DPP6: variants seen among roughly 807,000 people sequenced by gnomAD.
DPP6 encodes A-type potassium channel modulatory protein DPP6.
DPP6 carries 69 observed loss-of-function variants against 122.6 expected under a neutral mutation model. The ratio of observed to expected loss-of-function variants is 0.56; its 90% confidence interval spans 0.46 to 0.69. The LOEUF (loss-of-function observed/expected upper bound fraction) is 0.69, where lower values mean the gene tolerates loss of function less well. Among genes scored for constraint, DPP6 ranks in the 30% least tolerant of loss-of-function variants. The pLI is 0.00. For missense variants in DPP6, 928 were observed against 1,116.9 expected, an observed-to-expected ratio of 0.83 and a Z score of 2.41; for synonymous variants, 418 against 433.1, an observed-to-expected ratio of 0.97 and a Z score of 0.43.
At chr7:154,351,433 G>A (rs910831599) in intron 1 of DPP6, among the ~76,000 whole-genome samples, 1 of 152,202 alleles carries the variant, frequency 6.6e-6, no homozygotes, top group Non-Finnish European at 1.5e-5. Flanking sequence ...GCCAAAAATA[G>A]CAGCTGAGTG....
chr7:154,432,512 A>T (rs191939917), intron 1 of DPP6, among the ~76,000 whole-genome samples: 1 of 152,272 alleles, frequency 6.6e-6, no homozygotes, highest in African/African-American at 2.4e-5. Context: ...CTTAACAATG[A>T]TCTAGGGGTT....
chr7:154,617,989 G>A (rs1462416083), intron 5 of DPP6, among the ~76,000 whole-genome samples: 1 of 152,138 alleles, frequency 6.6e-6, no homozygotes, highest in South Asian at 2.1e-4. Flanking sequence ...GGCCATAGGG[G>A]CTGCAGACCC....
chr7:154,059,946 G>GC (rs1396607566), intron 1 of DPP6, among the ~76,000 whole-genome samples: 1 of 149,534 alleles, frequency 6.7e-6, no homozygotes, highest in Non-Finnish European at 1.5e-5. Flanking sequence ...AACATAAAGG[G>GC]CCCCCATTTT....
chr7:154,139,232 C>G (rs367975533), intron 1 of DPP6, among the ~76,000 whole-genome samples: 9 of 145,562 alleles, frequency 6.2e-5, no homozygotes, highest in Admixed American at 2.1e-4. Context: ...CAGTGTGGCT[C>G]AGTTCAACTC....
intron 1 of DPP6, among the ~76,000 whole-genome samples, chr7:153,946,850 G>A (rs1396246941): frequency 6.6e-6 from 1 of 152,134 alleles, no homozygotes; most frequent in Non-Finnish European, 1.5e-5. Context: ...AGAATTTTAG[G>A]CAGAGGGAGC....
At chr7:154,547,907 T>C (rs1436034209) in intron 4 of DPP6, among the ~76,000 whole-genome samples, 2 of 152,212 alleles carry the variant, frequency 1.3e-5, no homozygotes, top group Non-Finnish European at 2.9e-5. Context: ...GACCATGATT[T>C]TACTTTTTAA....
At chr7:153,989,365 G>A (rs567879257) in intron 1 of DPP6, among the ~76,000 whole-genome samples, 3 of 151,332 alleles carry the variant, frequency 2.0e-5, no homozygotes, top group Admixed American at 2.0e-4. Context: ...GGGGGAGTGA[G>A]TATGGGGAGG....
At chr7:153,836,841 T>C in the DPP6 span, among the ~76,000 whole-genome samples, 1 of 152,212 alleles carries the variant, frequency 6.6e-6, no homozygotes, top group Non-Finnish European at 1.5e-5. Context: ...TGAACAATAT[T>C]AGACTCACTC....
At chr7:153,928,926 C>T (rs1386535683) in intron 1 of DPP6, among the ~76,000 whole-genome samples, 1 of 151,990 alleles carries the variant, frequency 6.6e-6, no homozygotes, top group African/African-American at 2.4e-5. Context: ...GGGAAGTCTC[C>T]CCGCACGTCG....
intron 1 of DPP6, among the ~76,000 whole-genome samples, chr7:154,108,211 G>C (rs1052616276): frequency 6.6e-6 from 1 of 152,046 alleles, no homozygotes; most frequent in African/African-American, 2.4e-5. Flanking sequence ...TGTGGGTTAG[G>C]GACTGGGCAA....
At chr7:153,867,820 G>A in the DPP6 span, among the ~76,000 whole-genome samples, 34 of 152,194 alleles carry the variant, frequency 2.2e-4, 1 homozygote, top group Admixed American at 9.2e-4. Flanking sequence ...TTTGAGATAC[G>A]TCCCATCAAT....
intron 1 of DPP6, among the ~76,000 whole-genome samples, chr7:153,952,631 A>C (rs1802274099): frequency 6.6e-6 from 1 of 152,256 alleles, no homozygotes; most frequent in African/African-American, 2.4e-5. Flanking sequence ...AGCACCTTTG[A>C]ATGAAAATCT....
chr7:154,192,463 G>A (rs564277132), intron 1 of DPP6, among the ~76,000 whole-genome samples: 29 of 152,218 alleles, frequency 1.9e-4, no homozygotes, highest in Non-Finnish European at 2.9e-4. Flanking sequence ...GAGGCAATTA[G>A]GGCAGAGGCC....
intron 6 of DPP6, among the ~76,000 whole-genome samples, chr7:154,646,045 A>AAAAAAAAAAAAAAAC (rs1554421912): frequency 2.7e-5 from 4 of 147,566 alleles, no homozygotes; most frequent in African/African-American, 1.0e-4. Flanking sequence ...AAAAAAAAAA[A>AAAAAAAAAAAAAAAC]GAAAATACTG....
intron 1 of DPP6, among the ~76,000 whole-genome samples, chr7:154,197,985 A>G (rs1402620123): frequency 1.1e-4 from 16 of 152,148 alleles, no homozygotes; most frequent in Admixed American, 1.0e-3. Context: ...ACTCTCTTTG[A>G]TGACATCATT....
At chr7:153,782,473 C>T in the DPP6 span, among the ~76,000 whole-genome samples, 1 of 152,180 alleles carries the variant, frequency 6.6e-6, no homozygotes, top group African/African-American at 2.4e-5. Flanking sequence ...CGGCCTTGAA[C>T]AAAACATGAA....
At chr7:153,785,892 T>TG in the DPP6 span, among the ~76,000 whole-genome samples, 1 of 120,184 alleles carries the variant, frequency 8.3e-6, no homozygotes, top group African/African-American at 3.3e-5. Context: ...TTTTTAAAAC[T>TG]GTTTTTTTTT....
In DPP6 at chr7:154,107,381, A is replaced by T. The variant is rs1302557754; in HGVS notation, c.243+54318A>T. 1.3e-5 allele frequency among the ~76,000 whole-genome samples: 2 copies of T among 152,228 alleles called. 1 individual carries two copies. The highest frequency in any genetic ancestry group is 2.9e-5 in the Non-Finnish European group (2 of 68,046). On this transcript the variant is annotated intron_variant, in intron 1 of 25. Coordinates refer to ENST00000377770, the MANE Select transcript of DPP6 (RefSeq NM_130797.4). The stretch of plus-strand genomic sequence containing the variant: ...ATGTCACTTGTGTAGAATCTTAAAA[A>T]GTCAAAATTACAGAGGCAGAGACTA...
intron 1 of DPP6, among the ~76,000 whole-genome samples, chr7:154,320,278 G>A (rs1183878042): frequency 6.6e-6 from 1 of 152,018 alleles, no homozygotes; most frequent in East Asian, 1.9e-4. Flanking sequence ...CCGGCCCTGT[G>A]TCCAGTGCGG....
Sources: allele counts gnomAD v4.1 joint callset (sites outside exome capture counted in the v4.1 genomes callset), GRCh38; gene constraint gnomAD v4.1.1; transcripts MANE v1.5; gene names NCBI Gene and HGNC (gene_info 2026-07-23, HGNC 2026-07-21).